MRPL51: variants seen among roughly 807,000 people sequenced by gnomAD.
MRPL51 encodes the protein mitochondrial ribosomal protein L51.
Under a neutral mutation model 15.0 loss-of-function variants are expected in MRPL51, and 6 were observed. The observed-to-expected ratio is 0.40, with a 90% confidence interval of 0.22 to 0.79. MRPL51 has a LOEUF of 0.79. MRPL51 is among the 30% of genes least tolerant of loss of function. The probability of loss-of-function intolerance (pLI) is 0.36; values close to 1 mark genes in which losing one functional copy is unlikely to be tolerated. For missense variants in MRPL51, 155 were observed against 166.4 expected, an observed-to-expected ratio of 0.93 and a Z score of 0.38; for synonymous variants, 65 against 58.3, an observed-to-expected ratio of 1.11 and a Z score of -0.52.
chr12:6,493,206 A>T lies in MRPL51; in HGVS notation c.-70T>A. 1 of 1,542,294 alleles carries T rather than the reference A, an allele frequency of 6.5e-7. No individual in the cohort carries two copies. The highest frequency in any genetic ancestry group is 8.9e-7 in the Non-Finnish European group (1 of 1,124,024). On this transcript the variant is annotated 5_prime_UTR_variant, in exon 1 of 3. It adds an upstream start codon to the 5' untranslated region. Coordinates refer to ENST00000229238, the MANE Select transcript of MRPL51 (RefSeq NM_016497.4). ...AAGATGACAGGAACCGTCCCCGCCA[A>T]CTTCACACGAGTACTAAGGCGAAGA...
In MRPL51 at chr12:6,492,191, C is replaced by A; in HGVS notation, c.*80G>T. ...TTTTATTACAGAGAAAATACAAAGC[C>A]GTTTCCTCACAGGGAAAAGTACAGT... On this transcript the variant is annotated 3_prime_UTR_variant, in exon 3 of 3. Transcript: ENST00000229238. 7.2e-7 allele frequency: 1 copy of A among 1,396,226 alleles called. No individual in the cohort carries two copies. Among genetic ancestry groups the A allele is most frequent in the Non-Finnish European group, 9.7e-7 (1 of 1,030,590 alleles). 86.5% of individuals were successfully genotyped at this position (1,396,226 alleles called of 1,614,324 possible).
At chr12:6,492,586 G>A in intron 2 of MRPL51, 119 bp from the exon 3 acceptor site, 1 of 1,034,318 alleles carries the variant, frequency 9.7e-7, no homozygotes, top group South Asian at 1.5e-5. Flanking sequence ...GAACATTACA[G>A]TACAGAACAA....
chr12:6,493,164 C>T lies in MRPL51; in HGVS notation c.-28G>A. The stretch of plus-strand genomic sequence containing the variant: ...CTCTAGTCTCCCCCCTTCAACAGCA[C>T]ACCAAATAAGCCCAAGAAGATGACA... On this transcript the variant is annotated 5_prime_UTR_variant, in exon 1 of 3. The change creates a new upstream start codon in the 5' untranslated region. Transcript: ENST00000229238. 1 of 1,610,646 alleles carries T rather than the reference C, an allele frequency of 6.2e-7. No homozygotes were observed. Among genetic ancestry groups the T allele is most frequent in the Non-Finnish European group, 8.5e-7 (1 of 1,178,824 alleles).
rs138308379 is a variant in MRPL51, at chr12:6,493,122, G to C, written c.15C>G (p.Leu5=). The C allele has an allele frequency of 3.7e-6, 6 of 1,612,244 alleles. No homozygotes were observed. Among genetic ancestry groups the C allele is most frequent in the Non-Finnish European group, 5.1e-6 (6 of 1,179,964 alleles). ...ACAGGCGCCTACCTGCCCCGGATAA[G>C]AGGTTCCCTGCCATTTCTCTAGTCT... MAGN[L]LSGAGRRLWD... is the part of the protein sequence containing the mutation. Residue 5 remains leucine, a synonymous_variant, in exon 1 of 3, where the codon CTC becomes CTG. Coordinates refer to ENST00000229238, the MANE Select transcript of MRPL51 (RefSeq NM_016497.4).
At position 6,492,196 on chromosome 12, in the gene MRPL51, C is replaced by T; in HGVS notation, c.*75G>A. On this transcript the variant is annotated 3_prime_UTR_variant, in exon 3 of 3. Coordinates refer to ENST00000229238, the MANE Select transcript of MRPL51 (RefSeq NM_016497.4). Reference sequence around the variant, plus strand: ...TTACAGAGAAAATACAAAGCCGTTTCCTCACAGGGAAAAGTACAGTTTCCC... The same window carrying T: ...TTACAGAGAAAATACAAAGCCGTTTTCTCACAGGGAAAAGTACAGTTTCCC... 4 of 1,424,278 alleles carry T rather than the reference C, an allele frequency of 2.8e-6. No homozygotes were observed. Among genetic ancestry groups the T allele is most frequent in the Non-Finnish European group, 3.8e-6 (4 of 1,055,212 alleles). The allele number at this position is 1,424,278 out of a possible 1,614,324, so 88.2% of individuals were successfully genotyped here.
Position 6,493,190 on chromosome 12 carries a change from G to C in MRPL51, c.-54C>G. 5 of 1,595,718 alleles carry C rather than the reference G, an allele frequency of 3.1e-6. No individual in the cohort carries two copies. The highest frequency in any genetic ancestry group is 1.7e-5 in the Admixed American group (1 of 59,182). On this transcript the variant is annotated 5_prime_UTR_variant, in exon 1 of 3. Coordinates refer to ENST00000229238, the MANE Select transcript of MRPL51 (RefSeq NM_016497.4). ...ACCAAATAAGCCCAAGAAGATGACA[G>C]GAACCGTCCCCGCCAACTTCACACG... is the stretch of plus-strand genomic sequence containing the variant.
rs1945939809 is a variant in MRPL51 at position 6,493,227 on chromosome 12, G to T, written c.-91C>A. 6 of 1,399,882 alleles carry T rather than the reference G, an allele frequency of 4.3e-6. No individual in the cohort carries two copies. The highest frequency in any genetic ancestry group is 5.9e-6 in the Non-Finnish European group (6 of 1,010,014). The allele number at this position is 1,399,882 out of a possible 1,614,324, so 86.7% of individuals were successfully genotyped here. A position where few individuals can be genotyped will look rare whatever the true frequency, so the allele number is the denominator to read the frequency against. ...GCCAACTTCACACGAGTACTAAGGCGAAGACAGCCATCTTGGGCCTTACCC... is the reference window on the plus strand; with the variant it reads ...GCCAACTTCACACGAGTACTAAGGCTAAGACAGCCATCTTGGGCCTTACCC... On this transcript the variant is annotated 5_prime_UTR_variant, in exon 1 of 3. Transcript: ENST00000229238.
In MRPL51 at chr12:6,493,065, G is replaced by A. The variant is rs750678329; in HGVS notation, c.72C>T (p.Phe24=). 2 of 1,613,698 alleles carry A rather than the reference G, an allele frequency of 1.2e-6. No individual in the cohort carries two copies. The highest frequency in any genetic ancestry group is 1.1e-5 in the South Asian group (1 of 91,060). Residue 24 remains phenylalanine, a synonymous_variant, in exon 1 of 3, where the codon TTC becomes TTT. Transcript: ENST00000229238. The stretch of plus-strand genomic sequence containing the variant: ...CCTACATCAGCCACTTACCAAGAGA[G>A]AAGCTTCTGCACGCCAGAGGCACCC... The part of the protein sequence containing the change: ...WDWVPLACRS[F]SLGVPRLIGI...
Position 6,492,220 on chromosome 12 carries a change from C to G in MRPL51, c.*51G>C, listed in dbSNP as rs1276853964. On this transcript the variant is annotated 3_prime_UTR_variant, in exon 3 of 3. Transcript: ENST00000229238. ...TCCTCACAGGGAAAAGTACAGTTTC[C>G]CTTCTCCAGGGTGACAGATGAGCCT... is the stretch of plus-strand genomic sequence containing the variant. 3 of 1,500,192 alleles carry G rather than the reference C, an allele frequency of 2.0e-6. No homozygotes were observed. The highest frequency in any genetic ancestry group is 2.3e-5 in the Admixed American group (1 of 43,340). 92.9% of individuals were successfully genotyped at this position (1,500,192 alleles called of 1,614,324 possible). A position where few individuals can be genotyped will look rare whatever the true frequency, so the allele number is the denominator to read the frequency against.
At position 6,492,206 on chromosome 12, in the gene MRPL51, AAAAGTACAGTT is replaced by A; in HGVS notation, c.*54_*64del. On this transcript the variant is annotated 3_prime_UTR_variant, in exon 3 of 3. Coordinates refer to ENST00000229238, the MANE Select transcript of MRPL51 (RefSeq NM_016497.4). ...AATACAAAGCCGTTTCCTCACAGGGAAAAGTACAGTTTCCCTTCTCCAGGGTGACAGATGAG... is the reference window on the plus strand; with the variant it reads ...AATACAAAGCCGTTTCCTCACAGGGATCCCTTCTCCAGGGTGACAGATGAG... 1 of 1,468,556 alleles carries A rather than the reference AAAAGTACAGTT, an allele frequency of 6.8e-7. No individual in the cohort carries two copies. Among genetic ancestry groups the A allele is most frequent in the African/African-American group, 1.4e-5 (1 of 70,616 alleles). The allele number at this position is 1,468,556 out of a possible 1,614,324, so 91.0% of individuals were successfully genotyped here.
intron 2 of MRPL51, 80 bp downstream of exon 2, chr12:6,492,782 T>A: frequency 2.9e-6 from 4 of 1,388,266 alleles, no homozygotes; most frequent in Non-Finnish European, 4.1e-6. Context: ...AGTACCACTC[T>A]CTACACAGGA....
rs893678848 is a variant in MRPL51, at chr12:6,493,224, G to A, written c.-88C>T. On this transcript the variant is annotated 5_prime_UTR_variant, in exon 1 of 3. Transcript: ENST00000229238. ...CCCGCCAACTTCACACGAGTACTAA[G>A]GCGAAGACAGCCATCTTGGGCCTTA... 1 of 1,421,714 alleles carries A rather than the reference G, an allele frequency of 7.0e-7. No homozygotes were observed. The highest frequency in any genetic ancestry group is 9.7e-7 in the Non-Finnish European group (1 of 1,027,920). The allele number at this position is 1,421,714 out of a possible 1,614,324, so 88.1% of individuals were successfully genotyped here. A position where few individuals can be genotyped will look rare whatever the true frequency, so the allele number is the denominator to read the frequency against.
rs377366260 is a variant in MRPL51 at position 6,492,290 on chromosome 12, C to T, written c.368G>A (p.Arg123Gln). Residue 123 changes from arginine to glutamine, a missense_variant, in exon 3 of 3, where the codon CGA becomes CAA. By Grantham distance (43) the Arg-to-Gln change is conservative. Transcript: ENST00000229238. ...RIRYLYKHFNRHGKFR is the reference protein window; with the variant it reads ...RIRYLYKHFNQHGKFR ...TCTCTTCTATCGAAACTTCCCATGT[C>T]GGTTAAAGTGTTTGTAGAGATAGCG... 12 of 1,603,542 alleles carry T rather than the reference C, an allele frequency of 7.5e-6. No homozygotes were observed. Among genetic ancestry groups the T allele is most frequent in the African/African-American group, 1.3e-5 (1 of 74,470 alleles).
chr12:6,492,242 G>C lies in MRPL51; in HGVS notation c.*29C>G. ...TTCCCTTCTCCAGGGTGACAGATGA[G>C]CCTTTTCCGAAGTTCTCAGCTTTCT... On this transcript the variant is annotated 3_prime_UTR_variant, in exon 3 of 3. Coordinates refer to ENST00000229238, the MANE Select transcript of MRPL51 (RefSeq NM_016497.4). 1 of 1,555,904 alleles carries C rather than the reference G, an allele frequency of 6.4e-7. No homozygotes were observed. Among genetic ancestry groups the C allele is most frequent in the Non-Finnish European group, 8.7e-7 (1 of 1,151,714 alleles).
Position 6,492,429 on chromosome 12 carries a change from G to T in MRPL51, c.229C>A (p.Pro77Thr), listed in dbSNP as rs766958465. The T allele has an allele frequency of 5.6e-6, 9 of 1,613,284 alleles. No individual in the cohort carries two copies. In the South Asian group the frequency reaches 9.9e-5, roughly 18 times the overall value. ...EKHPKELIRG[P>T]IWLRGWKGNE... ...CCTTTCCAACCTCGAAGCCATATGG[G>T]CCCCCTGATCAGTTCTTTGGGGTGC... Residue 77 changes from proline to threonine, a missense_variant, in exon 3 of 3, where the codon CCC becomes ACC. Transcript: ENST00000229238.
At position 6,492,237 on chromosome 12, in the gene MRPL51, G is replaced by A. The variant is rs1287151872; in HGVS notation, c.*34C>T. ...ACAGTTTCCCTTCTCCAGGGTGACA[G>A]ATGAGCCTTTTCCGAAGTTCTCAGC... On this transcript the variant is annotated 3_prime_UTR_variant, in exon 3 of 3. Transcript: ENST00000229238. The A allele has an allele frequency of 1.3e-6, 2 of 1,549,136 alleles. No homozygotes were observed. The highest frequency in any genetic ancestry group is 2.8e-5 in the African/African-American group (2 of 72,672).
Position 6,492,602 on chromosome 12 carries a change from C to T in MRPL51, c.191-135G>A. 9.4e-6 allele frequency: 9 copies of T among 961,028 alleles called. No homozygotes were observed. The South Asian group carries it at 1.4e-4, about 15-fold the overall frequency. 59.5% of individuals were successfully genotyped at this position (961,028 alleles called of 1,614,324 possible). A position where few individuals can be genotyped will look rare whatever the true frequency, so the allele number is the denominator to read the frequency against. ...AACATTACAGTACAGAACAATAGCA[C>T]AGACTCTGGAGCCAGACTGCTTGGG... On this transcript the variant is annotated intron_variant, in intron 2 of 2. Transcript: ENST00000229238.
At position 6,492,472 on chromosome 12, in the gene MRPL51, G is replaced by A. The variant is rs1565535866; in HGVS notation, c.191-5C>T. 2 of 1,594,816 alleles carry A rather than the reference G, an allele frequency of 1.3e-6. No individual in the cohort carries two copies. Among genetic ancestry groups the A allele is most frequent in the East Asian group, 2.2e-5 (1 of 44,792 alleles). On this transcript the variant is annotated splice_region_variant and splice_polypyrimidine_tract_variant and intron_variant, in intron 2 of 2. Coordinates refer to ENST00000229238, the MANE Select transcript of MRPL51 (RefSeq NM_016497.4). ...TGGGGTGCTTTTCAAAGTTTCCTGT[G>A]TAATGTGAGAGAACACATTAGATCC...
At position 6,493,111 on chromosome 12, in the gene MRPL51, G is replaced by C; in HGVS notation, c.26C>G (p.Ala9Gly). The C allele has an allele frequency of 6.2e-7, 1 of 1,612,584 alleles. No homozygotes were observed. The highest frequency in any genetic ancestry group is 8.5e-7 in the Non-Finnish European group (1 of 1,179,998). Residue 9 changes from alanine (A) to glycine (G), a missense_variant, in exon 1 of 3, where the codon GCA becomes GGA. Transcript: ENST00000229238. ...CACCCAGTCCCACAGGCGCCTACCT[G>C]CCCCGGATAAGAGGTTCCCTGCCAT... MAGNLLSGAGRRLWDWVPL... is the reference protein window; with the variant it reads MAGNLLSGGGRRLWDWVPL...
Sources: allele counts gnomAD v4.1 joint callset, GRCh38; gene constraint gnomAD v4.1.1; transcripts MANE v1.5; gene names NCBI Gene and HGNC (gene_info 2026-07-23, HGNC 2026-07-21).